Variants in GPATCH8 observed in about 807,000 individuals in gnomAD.
GPATCH8 encodes G patch domain-containing protein 8.
In GPATCH8, 18 loss-of-function variants were observed where a neutral mutation model predicts 118.3. The ratio of observed to expected loss-of-function variants is 0.15; its 90% CI spans 0.11 to 0.23. The LOEUF (loss-of-function observed/expected upper bound fraction) is 0.23. GPATCH8 is among the 10% of genes least tolerant of loss of function. GPATCH8 has a pLI of 1.00. For synonymous variants in GPATCH8, 659 were observed against 684.7 expected (o/e 0.96, Z 0.59); for missense variants, 1,631 against 1,873.8 (o/e 0.87, Z 2.39).
At chr17:44,467,324 T>C in intron 2 of GPATCH8, 2 of 255,318 alleles carry the variant, frequency 7.8e-6, no homozygotes, top group Non-Finnish European at 1.7e-5. Flanking sequence ...AAAGCAAATG[T>C]TAAAGGGAGA....
rs769507905 is a variant in GPATCH8 at position 44,395,868 on chromosome 17, A to G, written c.*1700T>C. 3 of 454,178 alleles carry G rather than the reference A, an allele frequency of 6.6e-6. No individual in the cohort carries two copies. Among genetic ancestry groups the G allele is most frequent in the South Asian group, 4.7e-5 (3 of 64,478 alleles). The allele number at this position is 454,178 out of a possible 1,614,324, so 28.1% of individuals were successfully genotyped here. On this transcript the variant is annotated 3_prime_UTR_variant, in exon 8 of 8. Coordinates refer to ENST00000591680, the MANE Select transcript of GPATCH8 (RefSeq NM_001002909.4). ...CCTCATCAAAGGAGATGGGACCTGC[A>G]ACACAAGCACCTTTGGGTCAGTGTG...
At chr17:44,486,110 G>A (rs1270539975) in intron 1 of GPATCH8, 1 of 152,154 alleles carries the variant, frequency 6.6e-6, no homozygotes, top group African/African-American at 2.4e-5. Flanking sequence ...TAGAGACGGG[G>A]TTCCACCATG....
rs200128147 is a variant in GPATCH8 at position 44,397,537 on chromosome 17, C to T, written c.*31G>A. On this transcript the variant is annotated 3_prime_UTR_variant, in exon 8 of 8. Transcript: ENST00000591680. Reference sequence around the variant, plus strand: ...AAGGGAACATTTATGGGTCTCCTCCCCTGGCCCTACCTAGGATCCCATCCC... The same window carrying T: ...AAGGGAACATTTATGGGTCTCCTCCTCTGGCCCTACCTAGGATCCCATCCC... 343 of 1,487,094 alleles carry T rather than the reference C, an allele frequency of 2.3e-4. No individual in the cohort carries two copies. The African/African-American group carries it at 4.2e-3, about 18-fold the overall frequency. 92.1% of individuals were successfully genotyped at this position (1,487,094 alleles called of 1,614,324 possible). A position where few individuals can be genotyped will look rare whatever the true frequency, so the allele number is the denominator to read the frequency against.
intron 2 of GPATCH8, among the ~76,000 whole-genome samples, chr17:44,466,893 A>G (rs2051787775): frequency 6.6e-6 from 1 of 151,878 alleles, no homozygotes; most frequent in African/African-American, 2.4e-5. Context: ...AACAATGCTG[A>G]CAAAAATTGT....
chr17:44,456,796 G>A (rs976972020), intron 3 of GPATCH8, among the ~76,000 whole-genome samples: 12 of 152,064 alleles, frequency 7.9e-5, no homozygotes, highest in Non-Finnish European at 1.5e-4. Context: ...ACTCTACTCT[G>A]TTTTCATTCT....
chr17:44,406,506 G>GGGGGGGGTT (rs377596219), intron 6 of GPATCH8, among the ~76,000 whole-genome samples: 6 of 69,310 alleles, frequency 8.7e-5, no homozygotes, highest in Admixed American at 2.0e-4. Flanking sequence ...TGGGGGGGGG[G>GGGGGGGGTT]GGTTATTTAA....
Position 44,401,459 on chromosome 17 carries a change from T to C in GPATCH8, c.624-6A>G, listed in dbSNP as rs1196172463. The stretch of plus-strand genomic sequence containing the variant: ...TGGGACCACTTCCAGGTGCACTACA[T>C]GATGATTTAGAAAAATAAAAAACAA... On this transcript the variant is annotated splice_polypyrimidine_tract_variant and splice_region_variant and intron_variant, in intron 7 of 7. Transcript: ENST00000591680. The C allele has an allele frequency of 1.1e-5, 18 of 1,580,002 alleles. No homozygotes were observed. The highest frequency in any genetic ancestry group is 1.6e-5 in the Non-Finnish European group (18 of 1,148,818).
At chr17:44,453,510 T>TGTGTGTGTGTGTGTGTGTGTGTGTGC (rs2051205868) in intron 3 of GPATCH8, among the ~76,000 whole-genome samples, 1 of 150,176 alleles carries the variant, frequency 6.7e-6, no homozygotes, top group Admixed American at 6.7e-5. Flanking sequence ...GGTGTGTGTG[T>TGTGTGTGTGTGTGTGTGTGTGTGTGC]GTGTGTGTGT....
In GPATCH8 at chr17:44,400,006, G is replaced by A. The variant is rs145791992; in HGVS notation, c.2071C>T (p.His691Tyr). 1 of 1,613,788 alleles carries A rather than the reference G, an allele frequency of 6.2e-7. No homozygotes were observed. Among genetic ancestry groups the A allele is most frequent in the African/African-American group, 1.3e-5 (1 of 74,826 alleles). The change falls in exon 8 of 8, where the codon CAC becomes TAC. Residue 691 changes from histidine (H) to tyrosine (Y), a missense_variant. His to Tyr is a moderately conservative substitution (Grantham distance 83, BLOSUM62 2). Transcript: ENST00000591680. ...CTTTTCTCTTCTGTGTCAGCCTTGT[G>A]TTTACGTTTGTGTTTGCTGGATTTT... is the stretch of plus-strand genomic sequence containing the variant. ...HKKSSKHKRK[H>Y]KADTEEKSSK...
At chr17:44,420,473 T>C (rs1598443990) in intron 6 of GPATCH8, among the ~76,000 whole-genome samples, 1 of 152,214 alleles carries the variant, frequency 6.6e-6, no homozygotes, top group African/African-American at 2.4e-5. Context: ...ATTGTAGATG[T>C]TACCAGCATT....
In GPATCH8 at chr17:44,398,368, G is replaced by T. The variant is rs774057588; in HGVS notation, c.3709C>A (p.Pro1237Thr). The change falls in exon 8 of 8, where the codon CCA becomes ACA. Residue 1237 changes from proline to threonine, a missense_variant. Physicochemically the swap from Pro to Thr is conservative, Grantham distance 38. Transcript: ENST00000591680. ...PAHSDCYPGD[P>T]TISHNYLPDP... is the part of the protein sequence containing the mutation. ...GGGAGGTAGTTATGGGAGATGGTTG[G>T]GTCCCCAGGGTAGCAGTCAGAATGT... The T allele has an allele frequency of 1.9e-6, 3 of 1,614,044 alleles. No individual in the cohort carries two copies. The East Asian group carries it at 6.7e-5, about 36-fold the overall frequency.
chr17:44,448,503 AGGG>A lies in GPATCH8; in HGVS notation c.194-11961_194-11959del, dbSNP rs35585514. Among the ~76,000 whole-genome samples the A allele has an allele frequency of 7.1e-4, 45 of 63,748 alleles. 3 individuals are homozygous for A. The highest frequency in any genetic ancestry group is 3.0e-3 in the African/African-American group (42 of 13,910). The allele number at this position is 63,748 out of a possible 152,430, so 41.8% of individuals were successfully genotyped here. The stretch of plus-strand genomic sequence containing the variant: ...ATCACGTGAGCCAAAAAAAAAAAAA[AGGG>A]GGGGGGGGGAAGAAGGAGGAAGAAG... On this transcript the variant is annotated intron_variant, in intron 3 of 7. Transcript: ENST00000591680.
At chr17:44,463,632 G>A (rs570548713) in intron 3 of GPATCH8, among the ~76,000 whole-genome samples, 20 of 152,142 alleles carry the variant, frequency 1.3e-4, no homozygotes, top group African/African-American at 4.8e-4. Flanking sequence ...CACCTGCCTC[G>A]GCCTCCCAAA....
chr17:44,419,635 T>A (rs1598441984), intron 6 of GPATCH8, among the ~76,000 whole-genome samples: 1 of 151,754 alleles, frequency 6.6e-6, no homozygotes, highest in African/African-American at 2.4e-5. Flanking sequence ...TTACACTACA[T>A]GTGCGTGTCA....
At chr17:44,426,790 ACAAT>A (rs2143929133) in intron 5 of GPATCH8, among the ~76,000 whole-genome samples, 1 of 151,990 alleles carries the variant, frequency 6.6e-6, no homozygotes, top group African/African-American at 2.4e-5. Context: ...CTAGGCAAAA[ACAAT>A]CAAGAAGGGG....
chr17:44,483,168 AAAAAAAAAAT>A lies in GPATCH8; in HGVS notation c.46-8275_46-8266del, dbSNP rs1319939237. On this transcript the variant is annotated intron_variant, in intron 1 of 7. Coordinates refer to ENST00000591680, the MANE Select transcript of GPATCH8 (RefSeq NM_001002909.4). ...AGACTCCGTCTCAAAAAAAAAAAAA[AAAAAAAAAAT>A]ATATATATATATATATATATATATA... 1.2e-3 allele frequency among the ~76,000 whole-genome samples: 28 copies of A among 22,506 alleles called. 1 individual carries two copies. The highest frequency in any genetic ancestry group is 3.5e-3 in the African/African-American group (28 of 8,064). 14.8% of individuals were successfully genotyped at this position (22,506 alleles called of 152,430 possible). A position where few individuals can be genotyped will look rare whatever the true frequency, so the allele number is the denominator to read the frequency against.
chr17:44,500,301 C>T (rs1178162169), intron 1 of GPATCH8, among the ~76,000 whole-genome samples: 1 of 152,096 alleles, frequency 6.6e-6, no homozygotes, highest in Non-Finnish European at 1.5e-5. Context: ...CAGCTGAAAA[C>T]GGCAGTAATA....
chr17:44,485,158 T>C (rs1174023321), intron 1 of GPATCH8, among the ~76,000 whole-genome samples: 1 of 152,104 alleles, frequency 6.6e-6, no homozygotes, highest in East Asian at 1.9e-4. Context: ...TCATCCATGT[T>C]GGAGTGCAGT....
At chr17:44,418,613 C>T (rs2049778154) in intron 6 of GPATCH8, among the ~76,000 whole-genome samples, 1 of 152,124 alleles carries the variant, frequency 6.6e-6, no homozygotes, top group African/African-American at 2.4e-5. Flanking sequence ...TGCTGCCACG[C>T]CCGGCTTTTT....
Sources: allele counts gnomAD v4.1 joint callset (sites outside exome capture counted in the v4.1 genomes callset), GRCh38; gene constraint gnomAD v4.1.1; transcripts MANE v1.5; gene names NCBI Gene and HGNC (gene_info 2026-07-23, HGNC 2026-07-21).